Variants in WWC2 observed in about 807,000 individuals in gnomAD.
WWC2 encodes the protein WW and C2 domain containing 2.
In WWC2, 101 loss-of-function variants were observed where a neutral mutation model predicts 138.5. That is an observed-to-expected ratio of 0.73 (90% CI 0.62 to 0.86). WWC2 has a LOEUF of 0.86. Among genes scored for constraint, WWC2 ranks in the 40% least tolerant of loss-of-function variants. WWC2 has a pLI of 0.00. For synonymous variants in WWC2, 558 were observed against 538.4 expected, an observed-to-expected ratio of 1.04 and a Z score of -0.50; for missense variants, 1,420 against 1,419.4, an observed-to-expected ratio of 1.00 and a Z score of -0.01.
intron 14 of WWC2, among the ~76,000 whole-genome samples, chr4:183,267,387 C>G (rs1737540403): frequency 6.6e-6 from 1 of 152,146 alleles, no homozygotes; most frequent in African/African-American, 2.4e-5. Context: ...GGAAGACTGG[C>G]TTGATATAAA....
At chr4:183,174,981 G>A (rs920232367) in intron 1 of WWC2, among the ~76,000 whole-genome samples, 2 of 152,040 alleles carry the variant, frequency 1.3e-5, no homozygotes, top group Non-Finnish European at 2.9e-5. Flanking sequence ...ACATTTCCCA[G>A]TATATATGGT....
chr4:183,253,104 C>T (rs1737028035), intron 8 of WWC2, among the ~76,000 whole-genome samples: 1 of 152,118 alleles, frequency 6.6e-6, no homozygotes, highest in Non-Finnish European at 1.5e-5. Context: ...TGGTCTCGAA[C>T]TCATGGCCTC....
At chr4:183,148,177 G>T (rs1282724910) in intron 1 of WWC2, among the ~76,000 whole-genome samples, 1 of 152,134 alleles carries the variant, frequency 6.6e-6, no homozygotes, top group Admixed American at 6.5e-5. Context: ...ACAAATACCT[G>T]ACTTGGCAAA....
intron 1 of WWC2, among the ~76,000 whole-genome samples, chr4:183,159,716 T>G (rs1258139374): frequency 5.4e-4 from 1 of 1,856 alleles, no homozygotes; most frequent in Non-Finnish European, 2.3e-3. Context: ...AACTTACCTT[T>G]TTTTTTTTTT....
At chr4:183,260,821 C>G in intron 10 of WWC2, 89 bp from the exon 11 acceptor site, 1 of 1,489,708 alleles carries the variant, frequency 6.7e-7, no homozygotes, top group Non-Finnish European at 9.0e-7. Context: ...AGGTTTCTTC[C>G]CTCTGCAGAT....
At chr4:183,112,742 T>C (rs1489228286) in intron 1 of WWC2, among the ~76,000 whole-genome samples, 1 of 152,022 alleles carries the variant, frequency 6.6e-6, no homozygotes, top group Non-Finnish European at 1.5e-5. Context: ...CAAGATGAAG[T>C]GATAATAGTG....
In WWC2 at chr4:183,260,974, G is replaced by T; in HGVS notation, c.1351G>T (p.Gly451Cys). ...CCTGGGTTCCCTGGCATCGAGTCGG[G>T]GCTCTCTGAACACCTCCAGCAGAGG... ...SSLGSLASSR[G>C]SLNTSSRGSL... Residue 451 changes from glycine (G) to cysteine (C), a missense_variant, in exon 11 of 23, where the codon GGC (glycine) becomes TGC (cysteine). Gly to Cys is a radical substitution (Grantham distance 159, BLOSUM62 -3). Coordinates refer to ENST00000403733, the MANE Select transcript of WWC2 (RefSeq NM_024949.6). The T allele has an allele frequency of 6.2e-7, 1 of 1,613,900 alleles. No homozygotes were observed. The highest frequency in any genetic ancestry group is 1.1e-5 in the South Asian group (1 of 91,060).
chr4:183,234,636 T>A (rs1049828963), intron 4 of WWC2, among the ~76,000 whole-genome samples: 1 of 152,210 alleles, frequency 6.6e-6, no homozygotes, highest in African/African-American at 2.4e-5. Flanking sequence ...CAGGGTAACC[T>A]TTAGCAGGTT....
intron 1 of WWC2, among the ~76,000 whole-genome samples, chr4:183,147,208 G>A (rs1000982201): frequency 1.3e-5 from 2 of 152,226 alleles, no homozygotes; most frequent in Middle Eastern, 3.4e-3. Context: ...TTGAGTTCTT[G>A]TTCTATCCCA....
chr4:183,319,686 A>C lies in WWC2; in HGVS notation c.*3957A>C, dbSNP rs1315783604. The C allele has an allele frequency of 6.2e-7, 1 of 1,614,058 alleles. No homozygotes were observed. On this transcript the variant is annotated 3_prime_UTR_variant, in exon 23 of 23. Coordinates refer to ENST00000403733, the MANE Select transcript of WWC2 (RefSeq NM_024949.6). ...TGCACAGTGGAGCAGACACCCTCCT[A>C]GCAGAAGAGAAAGTCCAGCAAACCA...
chr4:183,245,402 T>A lies in WWC2; in HGVS notation c.603-14T>A, dbSNP rs948354075. 1 of 1,517,662 alleles carries A rather than the reference T, an allele frequency of 6.6e-7. No individual in the cohort carries two copies. Among genetic ancestry groups the A allele is most frequent in the Admixed American group, 2.6e-5 (1 of 39,120 alleles). The allele number at this position is 1,517,662 out of a possible 1,614,324, so 94.0% of individuals were successfully genotyped here. A position where few individuals can be genotyped will look rare whatever the true frequency, so the allele number is the denominator to read the frequency against. On this transcript the variant is annotated splice_polypyrimidine_tract_variant and intron_variant, in intron 5 of 22. Coordinates refer to ENST00000403733, the MANE Select transcript of WWC2 (RefSeq NM_024949.6). ...ATTCTTTGATATTTTTTCTTTCTTT[T>A]TCTCTTTTCACAGAATTGATAAAAA...
chr4:183,239,175 C>T (rs1284544699), intron 4 of WWC2, among the ~76,000 whole-genome samples: 2 of 152,008 alleles, frequency 1.3e-5, no homozygotes, highest in Admixed American at 6.6e-5. Flanking sequence ...ACTAGCCAGG[C>T]GTGGTGGCGG....
intron 9 of WWC2, among the ~76,000 whole-genome samples, chr4:183,257,936 G>A (rs1005336819): frequency 6.6e-6 from 1 of 152,188 alleles, no homozygotes; most frequent in African/African-American, 2.4e-5. Context: ...ACAGGCATCT[G>A]TGGTTCAAAG....
intron 1 of WWC2, among the ~76,000 whole-genome samples, chr4:183,186,840 T>C (rs1215110442): frequency 6.6e-6 from 1 of 152,120 alleles, no homozygotes; most frequent in African/African-American, 2.4e-5. Flanking sequence ...ACAAAACTCA[T>C]GCCAGCTGTA....
At chr4:183,106,788 G>A (rs1477139366) in intron 1 of WWC2, among the ~76,000 whole-genome samples, 2 of 152,072 alleles carry the variant, frequency 1.3e-5, no homozygotes, top group Non-Finnish European at 2.9e-5. Flanking sequence ...AATAATATTC[G>A]ATTGTGTAGA....
intron 4 of WWC2, among the ~76,000 whole-genome samples, chr4:183,232,280 A>G (rs1487194884): frequency 6.6e-6 from 1 of 152,210 alleles, no homozygotes; most frequent in African/African-American, 2.4e-5. Context: ...TTAAGAAACC[A>G]TACAATTCAC....
intron 2 of WWC2, chr4:183,203,453 C>T (rs950857842): frequency 1.3e-5 from 2 of 152,062 alleles, no homozygotes; most frequent in African/African-American, 4.8e-5. Context: ...TGCTGAGGTT[C>T]TTATTGGAAC....
chr4:183,137,406 G>T (rs1733154861), intron 1 of WWC2, among the ~76,000 whole-genome samples: 1 of 150,528 alleles, frequency 6.6e-6, no homozygotes, highest in African/African-American at 2.4e-5. Context: ...AACTTTTTTT[G>T]TTAACAGCTC....
chr4:183,284,569 T>G (rs1738184995), intron 19 of WWC2, among the ~76,000 whole-genome samples, 179 bp downstream of exon 19: 1 of 152,260 alleles, frequency 6.6e-6, no homozygotes, highest in Non-Finnish European at 1.5e-5. Flanking sequence ...TTAGTTTGTT[T>G]GTTTTTCCAT....
Sources: allele counts gnomAD v4.1 joint callset (sites outside exome capture counted in the v4.1 genomes callset), GRCh38; gene constraint gnomAD v4.1.1; transcripts MANE v1.5; gene names NCBI Gene and HGNC (gene_info 2026-07-23, HGNC 2026-07-21).